The following CD1A variants were observed in gnomAD, a reference collection of about 807,000 sequenced individuals.
CD1A encodes T-cell surface glycoprotein CD1a.
Under a neutral mutation model 38.3 loss-of-function variants are expected in CD1A, and 50 were observed. The observed-to-expected ratio is 1.30, with a 90% confidence interval of 1.04 to 1.65. The LOEUF (loss-of-function observed/expected upper bound fraction) is 1.65. Ranked by LOEUF, CD1A falls within the 40% of genes most tolerant of loss-of-function variation. The pLI, the probability that CD1A is intolerant of heterozygous loss-of-function variation, is 0.00. For missense variants in CD1A, 459 were observed against 406.1 expected, an observed-to-expected ratio of 1.13 and a Z score of -1.12; for synonymous variants, 160 against 150.8, an observed-to-expected ratio of 1.06 and a Z score of -0.45.
At chr1:158,250,332 GT>G (rs758702835), upstream of CD1A, among the ~76,000 whole-genome samples, 5 of 151,996 alleles carry the variant, frequency 3.3e-5, no homozygotes, top group African/African-American at 9.7e-5. Context: ...CCTCACACAA[GT>G]TTTTTTTGGC....
upstream of CD1A, among the ~76,000 whole-genome samples, chr1:158,251,548 C>A (rs530119017): frequency 1.3e-5 from 2 of 152,326 alleles, no homozygotes; most frequent in African/African-American, 4.8e-5. Context: ...TACCTCCATG[C>A]TTTCCATTCT....
At chr1:158,256,481 C>A (rs1189016358) in intron 3 of CD1A, among the ~76,000 whole-genome samples, 199 bp downstream of exon 3, 1 of 152,044 alleles carries the variant, frequency 6.6e-6, no homozygotes, top group African/African-American at 2.4e-5. Flanking sequence ...CCAGCCTGAG[C>A]AACAGAGTGA....
Position 158,257,935 on chromosome 1 carries a change from A to G in CD1A, c.*245A>G. 1 of 513,110 alleles carries G rather than the reference A, an allele frequency of 1.9e-6. No individual in the cohort carries two copies. Among genetic ancestry groups the G allele is most frequent in the Non-Finnish European group, 3.5e-6 (1 of 287,636 alleles). 31.8% of individuals were successfully genotyped at this position (513,110 alleles called of 1,614,324 possible). A position where few individuals can be genotyped will look rare whatever the true frequency, so the allele number is the denominator to read the frequency against. On this transcript the variant is annotated 3_prime_UTR_variant, in exon 6 of 6. Transcript: ENST00000289429. ...TTTTAAATTCAAATTTTATCTCCAG[A>G]TGGAATGGGGTCCTAGCAACCTCCA...
At chr1:158,255,548 ACTC>A (rs907255106) in intron 2 of CD1A, among the ~76,000 whole-genome samples, 198 bp downstream of exon 2, 49 of 150,874 alleles carry the variant, frequency 3.2e-4, no homozygotes, top group African/African-American at 1.1e-3. Context: ...CTACTTATGA[ACTC>A]CTCTCTCATT....
upstream of CD1A, among the ~76,000 whole-genome samples, chr1:158,250,745 A>T (rs187966103): frequency 5.9e-5 from 9 of 152,302 alleles, no homozygotes; most frequent in Admixed American, 5.2e-4. Flanking sequence ...TGCTAGCTTT[A>T]GTGCCCTCAT....
upstream of CD1A, chr1:158,254,106 G>T: frequency 2.7e-6 from 1 of 377,328 alleles, no homozygotes; most frequent in Non-Finnish European, 3.3e-6. Context: ...AAGAATAATG[G>T]AGAAAAGGTG....
At chr1:158,256,740 A>G (rs1650269086) in intron 3 of CD1A, 46 bp from the exon 4 acceptor site, 2 of 1,585,274 alleles carry the variant, frequency 1.3e-6, no homozygotes, top group East Asian at 4.5e-5. Context: ...TTGTGGAGAT[A>G]TGAAACTCCA....
chr1:158,254,059 T>TTTTTTTTTTTTTTTTTTTTTTTTTTTTG (rs1650159332), upstream of CD1A: 1 of 121,144 alleles, frequency 8.3e-6, no homozygotes, highest in Non-Finnish European at 1.8e-5. Flanking sequence ...TTTTTTTTTT[T>TTTTTTTTTTTTTTTTTTTTTTTTTTTTG]TTTTTTTTTT....
chr1:158,257,406 TC>T lies in CD1A; in HGVS notation c.884-11del. ...GATGGATTATAACATCCTTGGTGTCTCCCCAAATTCACAGAGCATCACAGTT... is the reference window on the plus strand; with the variant it reads ...GATGGATTATAACATCCTTGGTGTCTCCCAAATTCACAGAGCATCACAGTT... On this transcript the variant is annotated splice_polypyrimidine_tract_variant and intron_variant, in intron 4 of 5. Transcript: ENST00000289429. 1 of 1,593,016 alleles carries T rather than the reference TC, an allele frequency of 6.3e-7. No individual in the cohort carries two copies. Among genetic ancestry groups the T allele is most frequent in the Non-Finnish European group, 8.6e-7 (1 of 1,160,696 alleles).
chr1:158,255,892 A>C (rs142041113), intron 2 of CD1A, 112 bp from the exon 3 acceptor site: 2 of 1,093,546 alleles, frequency 1.8e-6, no homozygotes, highest in South Asian at 3.2e-5. Flanking sequence ...ACCAAATTTT[A>C]TTCCATTATG....
intron 1 of CD1A, among the ~76,000 whole-genome samples, 162 bp downstream of exon 1, chr1:158,254,889 A>G (rs1168187905): frequency 1.3e-5 from 2 of 150,618 alleles, no homozygotes. Context: ...CATTCTGACT[A>G]TCCATGACTC....
chr1:158,248,988 CA>C, the CD1A span, among the ~76,000 whole-genome samples: 1 of 152,200 alleles, frequency 6.6e-6, no homozygotes, highest in Non-Finnish European at 1.5e-5. Flanking sequence ...GGCTTGGCTC[CA>C]CTTCTCTTTC....
chr1:158,252,033 G>T (rs1370178554), upstream of CD1A, among the ~76,000 whole-genome samples: 1 of 151,972 alleles, frequency 6.6e-6, no homozygotes, highest in African/African-American at 2.4e-5. Flanking sequence ...GTTGCACCAT[G>T]TTGGCCAGGT....
At chr1:158,253,046 A>G (rs1271595420), upstream of CD1A, among the ~76,000 whole-genome samples, 5 of 152,176 alleles carry the variant, frequency 3.3e-5, no homozygotes, top group Non-Finnish European at 2.9e-5. Context: ...ACAGTGAGCT[A>G]TGATTATTCC....
At chr1:158,249,243 C>G in the CD1A span, among the ~76,000 whole-genome samples, 1 of 152,306 alleles carries the variant, frequency 6.6e-6, no homozygotes, top group South Asian at 2.1e-4. Flanking sequence ...CCCTGTCTTT[C>G]TCCATTCAGG....
rs149659983 is a variant in CD1A, at chr1:158,256,926, C to A, written c.745C>A (p.Arg249=). ...TGAGCAGGAGCAGCAGGGCACTCAGCGAGGGGACATCTTGCCCAGTGCTGA... is the reference window on the plus strand; with the variant it reads ...TGAGCAGGAGCAGCAGGGCACTCAGAGAGGGGACATCTTGCCCAGTGCTGA... ...RGEQEQQGTQ[R]GDILPSADGT... The change falls in exon 4 of 6, where the codon CGA becomes AGA. Residue 249 remains arginine (R), a synonymous_variant. Transcript: ENST00000289429. 7 of 1,614,028 alleles carry A rather than the reference C, an allele frequency of 4.3e-6. No individual in the cohort carries two copies. Among genetic ancestry groups the A allele is most frequent in the Non-Finnish European group, 5.9e-6 (7 of 1,180,038 alleles).
chr1:158,254,509 C>G lies in CD1A; in HGVS notation c.-161C>G, dbSNP rs1650173976. On this transcript the variant is annotated 5_prime_UTR_variant, in exon 1 of 6. Coordinates refer to ENST00000289429, the MANE Select transcript of CD1A (RefSeq NM_001763.3). ...GAAATGAGAGACTGAGTAGGCATCT[C>G]AGGGTTTTTGAAGGAGTGGATTTTC... The G allele has an allele frequency of 1.4e-6, 2 of 1,470,146 alleles. No homozygotes were observed. The highest frequency in any genetic ancestry group is 4.5e-5 in the Admixed American group (2 of 44,906). The allele number at this position is 1,470,146 out of a possible 1,614,324, so 91.1% of individuals were successfully genotyped here. A position where few individuals can be genotyped will look rare whatever the true frequency, so the allele number is the denominator to read the frequency against.
intron 3 of CD1A, 95 bp from the exon 4 acceptor site, chr1:158,256,691 A>T: frequency 5.8e-6 from 8 of 1,372,878 alleles, no homozygotes; most frequent in Non-Finnish European, 8.0e-6. Context: ...AAAAAAAAAG[A>T]GAAATGGGAA....
In CD1A at chr1:158,254,654, A is replaced by G. The variant is rs1307078150; in HGVS notation, c.-16A>G. Reference sequence around the variant, plus strand: ...ACCAATTTTTCTGAGAGAAGGAAATAACATCTGCAAATGATATGCTGTTTT... The same window carrying G: ...ACCAATTTTTCTGAGAGAAGGAAATGACATCTGCAAATGATATGCTGTTTT... On this transcript the variant is annotated 5_prime_UTR_variant, in exon 1 of 6. The change creates a new upstream start codon in the 5' untranslated region. Coordinates refer to ENST00000289429, the MANE Select transcript of CD1A (RefSeq NM_001763.3). The G allele has an allele frequency of 1.9e-6, 3 of 1,614,098 alleles. No individual in the cohort carries two copies. The highest frequency in any genetic ancestry group is 1.1e-5 in the South Asian group (1 of 91,078).
Sources: gnomAD v4.1 joint callset for allele counts (sites outside exome capture counted in the v4.1 genomes callset) on GRCh38, gnomAD v4.1.1 for gene constraint, MANE v1.5 for transcripts, NCBI Gene and HGNC (gene_info 2026-07-23, HGNC 2026-07-21) for gene names.